HDAC4: variants seen among roughly 807,000 people sequenced by gnomAD.
The protein encoded by HDAC4 is histone deacetylase A.
HDAC4 carries 16 observed loss-of-function variants against 135.1 expected under a neutral mutation model. The observed-to-expected ratio is 0.12, with a 90% CI of 0.08 to 0.18. The LOEUF (loss-of-function observed/expected upper bound fraction) is 0.18, where lower values mean the gene tolerates loss of function less well. Among genes scored for constraint, HDAC4 ranks in the 10% least tolerant of loss-of-function variants. The pLI is 1.00. For missense variants in HDAC4, 1,143 were observed against 1,511.8 expected (o/e 0.76, Z 4.05); for synonymous variants, 685 against 653.4 (o/e 1.05, Z -0.74).
intron 3 of HDAC4, among the ~76,000 whole-genome samples, chr2:239,199,989 C>G (rs1379054866): frequency 6.6e-6 from 1 of 152,154 alleles, no homozygotes. Flanking sequence ...CCATCTGCCT[C>G]GGCCTCCCAA....
intron 6 of HDAC4, among the ~76,000 whole-genome samples, chr2:239,162,982 C>T (rs540662895): frequency 6.6e-6 from 1 of 152,058 alleles, no homozygotes; most frequent in Non-Finnish European, 1.5e-5. Context: ...TGAAATGAAC[C>T]TTGAGAGCAG....
intron 2 of HDAC4, among the ~76,000 whole-genome samples, chr2:239,346,047 AAC>A (rs973278299): frequency 1.2e-4 from 18 of 144,380 alleles, no homozygotes; most frequent in South Asian, 2.2e-4. Flanking sequence ...CACCGTCTGA[AAC>A]ACACACACCC....
At chr2:239,181,539 A>G (rs771682174) in intron 4 of HDAC4, among the ~76,000 whole-genome samples, 1 of 152,234 alleles carries the variant, frequency 6.6e-6, no homozygotes, top group Non-Finnish European at 1.5e-5. Context: ...ATTCCGAACA[A>G]CCAACTTAAA....
intron 15 of HDAC4, among the ~76,000 whole-genome samples, chr2:239,107,313 T>C (rs1263631853): frequency 1.3e-5 from 2 of 152,246 alleles, no homozygotes. Context: ...GGCAGGGCTC[T>C]GGTTCCTATC....
intron 16 of HDAC4, among the ~76,000 whole-genome samples, chr2:239,100,952 A>G (rs1382866872): frequency 6.6e-6 from 1 of 151,804 alleles, no homozygotes; most frequent in Non-Finnish European, 1.5e-5. Flanking sequence ...CTGTGTAGGG[A>G]GTCGGGGCCC....
chr2:239,375,745 C>T (rs976677040), intron 1 of HDAC4, among the ~76,000 whole-genome samples: 4 of 152,224 alleles, frequency 2.6e-5, no homozygotes, highest in Non-Finnish European at 5.9e-5. Flanking sequence ...GCACCCACTG[C>T]CAGGTGCTCT....
At chr2:239,123,215 G>A (rs2039843375) in intron 12 of HDAC4, among the ~76,000 whole-genome samples, 1 of 152,218 alleles carries the variant, frequency 6.6e-6, no homozygotes, top group Non-Finnish European at 1.5e-5. Flanking sequence ...ACCTAAGTTG[G>A]CATTAGGAAG....
chr2:239,083,418 C>T (rs2152691960), intron 20 of HDAC4, among the ~76,000 whole-genome samples: 1 of 152,334 alleles, frequency 6.6e-6, no homozygotes, highest in Non-Finnish European at 1.5e-5. Context: ...GCATGGCTGT[C>T]CTGGCTGTGC....
At chr2:239,335,254 A>G (rs1691852601) in intron 2 of HDAC4, among the ~76,000 whole-genome samples, 1 of 152,066 alleles carries the variant, frequency 6.6e-6, no homozygotes, top group Non-Finnish European at 1.5e-5. Context: ...TTCACTTATG[A>G]CAAAGTTGCA....
At chr2:239,107,759 G>C (rs998110429) in intron 15 of HDAC4, among the ~76,000 whole-genome samples, 1 of 152,180 alleles carries the variant, frequency 6.6e-6, no homozygotes, top group African/African-American at 2.4e-5. Context: ...CCTGGACCTT[G>C]AGAAGAGCCT....
In HDAC4 at chr2:239,298,863, ATTTTT is replaced by A. The variant is rs35449811; in HGVS notation, c.22+53810_22+53814del. Among the ~76,000 whole-genome samples, 42 of 82,986 alleles carry A rather than the reference ATTTTT, an allele frequency of 5.1e-4. No individual in the cohort carries two copies. The South Asian group carries it at 8.3e-3, about 16-fold the overall frequency. 54.4% of individuals were successfully genotyped at this position (82,986 alleles called of 152,430 possible). A position where few individuals can be genotyped will look rare whatever the true frequency, so the allele number is the denominator to read the frequency against. On this transcript the variant is annotated intron_variant, in intron 2 of 26. Transcript: ENST00000543185. ...AAGCAACCCTTCATGGCCATAGCCTATTTTTTTTTTTTTTTTTTTTTTTTTGAGAT... is the reference window on the plus strand; with the variant it reads ...AAGCAACCCTTCATGGCCATAGCCTATTTTTTTTTTTTTTTTTTTTGAGAT...
intron 1 of HDAC4, among the ~76,000 whole-genome samples, chr2:239,393,658 C>T (rs1220267892): frequency 6.6e-6 from 1 of 150,434 alleles, no homozygotes; most frequent in East Asian, 2.0e-4. Context: ...TGCACCACGG[C>T]TCTCCCTACC....
rs762899722 is a variant in HDAC4 at position 239,214,920 on chromosome 2, G to A, written c.94+21673C>T. Reference sequence around the variant, plus strand: ...GAGGTTGCCCTGAGTAGGAGAGGCCGCGGGAGAAGCAAGTTTGCAGGGGAA... The same window carrying A: ...GAGGTTGCCCTGAGTAGGAGAGGCCACGGGAGAAGCAAGTTTGCAGGGGAA... On this transcript the variant is annotated intron_variant, in intron 3 of 26. Transcript: ENST00000543185. 2.1e-4 allele frequency among the ~76,000 whole-genome samples: 32 copies of A among 152,276 alleles called. 1 individual carries two copies. Among genetic ancestry groups the A allele is most frequent in the Admixed American group, 1.3e-4 (2 of 15,302 alleles).
At position 239,048,664 on chromosome 2, in the gene HDAC4, A is replaced by C. The variant is rs895808; in HGVS notation, c.*4433T>G. The C allele has an allele frequency of 0.36, 54,819 of 152,110 alleles. 9,977 individuals are homozygous for C. Among genetic ancestry groups the C allele is most frequent in the Admixed American group, 0.46 (7,018 of 15,276 alleles). 9.4% of individuals were successfully genotyped at this position (152,110 alleles called of 1,614,324 possible). On this transcript the variant is annotated 3_prime_UTR_variant, in exon 27 of 27. Transcript: ENST00000543185. ...CTATGGAGCACACACGGCAAAAAAA[A>C]CAAACAAAAACTGTTCGCTTTCTTT...
intron 2 of HDAC4, among the ~76,000 whole-genome samples, chr2:239,239,509 A>T (rs528604472): frequency 6.6e-6 from 1 of 152,230 alleles, no homozygotes; most frequent in East Asian, 1.9e-4. Flanking sequence ...TCACTTCATT[A>T]GCATAAACTC....
rs2041754383 is a variant in HDAC4, at chr2:239,146,255, A to G, written c.734-1541T>C. ...AACAAAACCAAAAAAAACAAGCCAA[A>G]AAACCCAACTGATGACTAGGCAAGA... On this transcript the variant is annotated intron_variant, in intron 7 of 26. Transcript: ENST00000543185. This position sits in a 1 kb window ranked among gnomAD's most constrained non-coding sequence, Gnocchi z 4.5. 6.6e-6 allele frequency among the ~76,000 whole-genome samples: 1 copy of G among 152,170 alleles called. No homozygotes were observed.
chr2:239,229,156 A>T (rs866205341), intron 3 of HDAC4, among the ~76,000 whole-genome samples: 2 of 152,314 alleles, frequency 1.3e-5, no homozygotes, highest in Middle Eastern at 3.4e-3. Flanking sequence ...TGTCTCAAAA[A>T]ATAAATAAAA....
chr2:239,301,650 T>C (rs1182657479), intron 2 of HDAC4, among the ~76,000 whole-genome samples: 4 of 151,982 alleles, frequency 2.6e-5, no homozygotes, highest in African/African-American at 9.7e-5. Context: ...CCAGCTAATG[T>C]TTTTAATCTT....
chr2:239,228,774 G>C (rs2047383553), intron 3 of HDAC4, among the ~76,000 whole-genome samples: 1 of 152,108 alleles, frequency 6.6e-6, no homozygotes, highest in Admixed American at 6.5e-5. Context: ...AGGATTACTC[G>C]ACACCACATC....
Sources: allele counts gnomAD v4.1 joint callset (sites outside exome capture counted in the v4.1 genomes callset), GRCh38; gene constraint gnomAD v4.1.1; non-coding constraint Gnocchi (gnomAD v3.1); transcripts MANE v1.5; gene names NCBI Gene and HGNC (gene_info 2026-07-23, HGNC 2026-07-21).